Variants in DCC observed in about 807,000 individuals in gnomAD.
DCC encodes DCC netrin 1 receptor, also known as netrin receptor DCC.
A neutral mutation model predicts 172.5 loss-of-function variants in DCC; 58 were observed. The observed-to-expected ratio is 0.34, with a 90% CI of 0.27 to 0.42. The LOEUF (loss-of-function observed/expected upper bound fraction) is 0.42. DCC is among the 10% of genes least tolerant of loss of function. The probability of loss-of-function intolerance (pLI) is 1.00; values close to 1 mark genes in which losing one functional copy is unlikely to be tolerated. For missense variants in DCC, 1,740 were observed against 1,791.0 expected, an observed-to-expected ratio of 0.97 and a Z score of 0.51; for synonymous variants, 709 against 644.5, an observed-to-expected ratio of 1.10 and a Z score of -1.52.
At chr18:52,677,200 A>T (rs973389753) in intron 1 of DCC, among the ~76,000 whole-genome samples, 3 of 152,166 alleles carry the variant, frequency 2.0e-5, no homozygotes, top group Admixed American at 6.6e-5. Flanking sequence ...GAATTCTTTA[A>T]TCATAAATAT....
At chr18:52,870,401 C>T (rs143264145) in intron 2 of DCC, among the ~76,000 whole-genome samples, 3 of 152,262 alleles carry the variant, frequency 2.0e-5, no homozygotes, top group African/African-American at 4.8e-5. Flanking sequence ...CGATGGCAGC[C>T]GCTGCTCTGG....
intron 7 of DCC, among the ~76,000 whole-genome samples, chr18:53,128,195 T>C (rs1346312250): frequency 6.6e-6 from 1 of 152,168 alleles, no homozygotes; most frequent in Non-Finnish European, 1.5e-5. Context: ...CTTACCTTAG[T>C]ACGAAAATAG....
intron 2 of DCC, among the ~76,000 whole-genome samples, chr18:52,902,545 G>T (rs987939434): frequency 2.0e-5 from 3 of 152,050 alleles, no homozygotes; most frequent in African/African-American, 4.8e-5. Flanking sequence ...CATTTGTATT[G>T]CATTAGAACA....
At chr18:52,817,363 T>TA (rs1314297385) in intron 2 of DCC, among the ~76,000 whole-genome samples, 4 of 152,306 alleles carry the variant, frequency 2.6e-5, no homozygotes, top group Admixed American at 6.5e-5. Flanking sequence ...ATTTTATAGA[T>TA]ACTCACAAAC....
intron 1 of DCC, among the ~76,000 whole-genome samples, chr18:52,699,382 G>C (rs1234211594): frequency 6.6e-6 from 1 of 152,106 alleles, no homozygotes; most frequent in Non-Finnish European, 1.5e-5. Context: ...AAACAGCAGA[G>C]GAATACTATA....
chr18:53,479,905 G>T (rs2045811681), intron 25 of DCC, among the ~76,000 whole-genome samples: 1 of 152,042 alleles, frequency 6.6e-6, no homozygotes, highest in Non-Finnish European at 1.5e-5. Context: ...GAGATCTGGG[G>T]GTAACTTATG....
At chr18:52,537,209 G>C (rs759455989) in intron 1 of DCC, among the ~76,000 whole-genome samples, 1 of 152,086 alleles carries the variant, frequency 6.6e-6, no homozygotes, top group Admixed American at 6.6e-5. Flanking sequence ...ATAAGTTGCT[G>C]TGCTTTTGCT....
intron 1 of DCC, among the ~76,000 whole-genome samples, chr18:52,729,362 T>A (rs904292631): frequency 1.3e-5 from 2 of 152,070 alleles, no homozygotes; most frequent in African/African-American, 4.8e-5. Flanking sequence ...TGGGTTCAAG[T>A]GATTCTCCTG....
At chr18:53,443,896 C>T (rs781290415) in intron 22 of DCC, among the ~76,000 whole-genome samples, 11 of 152,104 alleles carry the variant, frequency 7.2e-5, no homozygotes, top group Non-Finnish European at 1.3e-4. Context: ...GCAAGAGAGC[C>T]AGAATGATAA....
At chr18:52,441,148 A>AT (rs1987958516) in intron 1 of DCC, among the ~76,000 whole-genome samples, 1 of 152,166 alleles carries the variant, frequency 6.6e-6, no homozygotes, top group South Asian at 2.1e-4. Flanking sequence ...GGAATCACTG[A>AT]TTTTTATCAC....
At chr18:52,876,881 A>G (rs1199744744) in intron 2 of DCC, among the ~76,000 whole-genome samples, 3 of 152,158 alleles carry the variant, frequency 2.0e-5, no homozygotes, top group African/African-American at 7.2e-5. Context: ...CCAGTTTATC[A>G]TCTCTTGTCG....
intron 25 of DCC, among the ~76,000 whole-genome samples, chr18:53,470,835 A>G (rs1001995162): frequency 1.3e-5 from 2 of 152,212 alleles, no homozygotes; most frequent in Non-Finnish European, 2.9e-5. Context: ...CAATGAGCCA[A>G]TCACCTCCCA....
chr18:52,876,519 GA>G (rs1301655294), intron 2 of DCC, among the ~76,000 whole-genome samples: 1 of 152,150 alleles, frequency 6.6e-6, no homozygotes, highest in Non-Finnish European at 1.5e-5. Context: ...AGTTTATAAA[GA>G]AAACATAGAT....
At chr18:52,897,137 T>C (rs552790796) in intron 2 of DCC, among the ~76,000 whole-genome samples, 1 of 152,330 alleles carries the variant, frequency 6.6e-6, no homozygotes, top group South Asian at 2.1e-4. Context: ...AGTCCCCAAA[T>C]GGCCGTCTGT....
chr18:53,132,416 C>T (rs1016789127), intron 7 of DCC, among the ~76,000 whole-genome samples: 1 of 152,086 alleles, frequency 6.6e-6, no homozygotes, highest in Non-Finnish European at 1.5e-5. Context: ...ATTCACATTT[C>T]ATCTAGAAAG....
chr18:52,950,740 C>T (rs1008204050), intron 5 of DCC, among the ~76,000 whole-genome samples: 3 of 151,204 alleles, frequency 2.0e-5, no homozygotes, highest in South Asian at 4.2e-4. Flanking sequence ...CTGGCTAACA[C>T]GGTGAAACCC....
intron 2 of DCC, among the ~76,000 whole-genome samples, chr18:52,863,705 G>A (rs1040181249): frequency 6.6e-6 from 1 of 151,820 alleles, no homozygotes; most frequent in African/African-American, 2.4e-5. Context: ...ATTTATGAAT[G>A]TTTATCTCAT....
At chr18:53,426,999 A>G (rs1256893702) in intron 21 of DCC, among the ~76,000 whole-genome samples, 1 of 152,036 alleles carries the variant, frequency 6.6e-6, no homozygotes, top group Non-Finnish European at 1.5e-5. Flanking sequence ...TGCTTGGCAA[A>G]TTTGCTCAGG....
intron 2 of DCC, among the ~76,000 whole-genome samples, chr18:52,756,413 T>C (rs1239565333): frequency 6.6e-6 from 1 of 152,182 alleles, no homozygotes; most frequent in African/African-American, 2.4e-5. Context: ...TCTCTACCTC[T>C]CCTTCTTTGT....
Sources: allele counts gnomAD v4.1 joint callset (sites outside exome capture counted in the v4.1 genomes callset), GRCh38; gene constraint gnomAD v4.1.1; transcripts MANE v1.5; gene names NCBI Gene and HGNC (gene_info 2026-07-23, HGNC 2026-07-21).